The following TENM1 variants were observed in gnomAD, a reference collection of about 807,000 sequenced individuals.
TENM1 encodes teneurin-1.
TENM1 carries 35 observed loss-of-function variants against 174.8 expected under a neutral mutation model. That is an observed-to-expected ratio of 0.20 (90% CI 0.15 to 0.27). TENM1 has a LOEUF of 0.27. Ranked by LOEUF, TENM1 falls within the 10% of genes least tolerant of loss-of-function variation. The pLI, the probability that TENM1 is intolerant of heterozygous loss-of-function variation, is 1.00. For missense variants in TENM1, 1,633 were observed against 2,130.1 expected (o/e 0.77, Z 4.59); for synonymous variants, 781 against 798.7 (o/e 0.98, Z 0.37).
chrX:124,759,441 C>T (rs979163340), intron 3 of TENM1, among the ~76,000 whole-genome samples: 1 of 111,223 alleles, frequency 9.0e-6, no homozygotes, highest in Non-Finnish European at 1.9e-5. Context: ...TACACTGAAC[C>T]CAATTTGTAG....
chrX:124,681,393 C>CA (rs1569387756), intron 5 of TENM1, among the ~76,000 whole-genome samples: 1 of 111,799 alleles, frequency 8.9e-6, no homozygotes, highest in Non-Finnish European at 1.9e-5. Flanking sequence ...TCTGAAGTGA[C>CA]ACCATGACAG....
At chrX:124,464,405 G>T (rs1311615639) in intron 22 of TENM1, among the ~76,000 whole-genome samples, 1 of 112,090 alleles carries the variant, frequency 8.9e-6, no homozygotes, top group African/African-American at 3.2e-5. Context: ...CAAAAGTGGG[G>T]TAACTCAAGA....
At chrX:124,706,306 T>A (rs1265874740) in intron 4 of TENM1, among the ~76,000 whole-genome samples, 3 of 112,444 alleles carry the variant, frequency 2.7e-5, no homozygotes, top group Non-Finnish European at 5.6e-5. Flanking sequence ...GTTTTACAAA[T>A]TTTAATGTAA....
At chrX:124,576,746 G>C (rs776723150) in intron 11 of TENM1, among the ~76,000 whole-genome samples, 1 of 111,807 alleles carries the variant, frequency 8.9e-6, no homozygotes, top group East Asian at 2.8e-4. Context: ...GGCATAATTT[G>C]GTAAAAATGT....
intron 22 of TENM1, among the ~76,000 whole-genome samples, chrX:124,464,756 G>C (rs1018571301): frequency 8.9e-6 from 1 of 112,023 alleles, no homozygotes; most frequent in Non-Finnish European, 1.9e-5. Context: ...GCGAAAAATA[G>C]TCAAAGCAGT....
At chrX:124,511,953 A>AACT (rs1263398819) in intron 18 of TENM1, among the ~76,000 whole-genome samples, 4 of 111,895 alleles carry the variant, frequency 3.6e-5, no homozygotes, top group Non-Finnish European at 7.5e-5. Flanking sequence ...TTCGTTGCCA[A>AACT]ACTACTATAC....
chrX:124,643,837 A>C (rs1245456978), intron 10 of TENM1, among the ~76,000 whole-genome samples: 1 of 109,069 alleles, frequency 9.2e-6, no homozygotes, highest in Non-Finnish European at 1.9e-5. Flanking sequence ...AGAGGGGTCT[A>C]AATTAATTAG....
At chrX:124,663,974 T>C (rs2051677103) in intron 6 of TENM1, among the ~76,000 whole-genome samples, 1 of 111,467 alleles carries the variant, frequency 9.0e-6, no homozygotes, top group East Asian at 2.8e-4. Context: ...AGTGATTTAA[T>C]ATAGTTGAAA....
At chrX:124,601,291 T>A (rs1432826486) in intron 11 of TENM1, among the ~76,000 whole-genome samples, 1 of 111,142 alleles carries the variant, frequency 9.0e-6, no homozygotes, top group Non-Finnish European at 1.9e-5. Flanking sequence ...TTGAGAAGGA[T>A]CTAGTAGAAA....
intron 3 of TENM1, among the ~76,000 whole-genome samples, chrX:124,884,338 A>G (rs1038563856): frequency 6.7e-5 from 7 of 104,381 alleles, no homozygotes; most frequent in African/African-American, 2.5e-4. Flanking sequence ...TTGGAGACCG[A>G]GCTCTCAAAA....
chrX:124,905,046 G>A (rs1399700213), intron 1 of TENM1, among the ~76,000 whole-genome samples: 1 of 111,331 alleles, frequency 9.0e-6, no homozygotes, highest in Non-Finnish European at 1.9e-5. Flanking sequence ...AATTCTGGCT[G>A]GATGTGGGTG....
chrX:124,628,293 A>T (rs1466256149), intron 11 of TENM1, among the ~76,000 whole-genome samples: 2 of 111,380 alleles, frequency 1.8e-5, no homozygotes, highest in Non-Finnish European at 3.8e-5. Context: ...ATATGTAGTT[A>T]CATTTTCCAG....
In TENM1 at chrX:124,580,985, T is replaced by A. The variant is rs902188836; in HGVS notation, c.2078-15425A>T. On this transcript the variant is annotated intron_variant, in intron 11 of 31. Coordinates refer to ENST00000422452, the Ensembl canonical transcript of TENM1. Reference sequence around the variant, plus strand: ...GCAAGAACATGCAGTATTTGGTTTTTCTTTCCTGTGTTAGTTTGCTTAGGA... The same window carrying A: ...GCAAGAACATGCAGTATTTGGTTTTACTTTCCTGTGTTAGTTTGCTTAGGA... Among the ~76,000 whole-genome samples the A allele has an allele frequency of 4.5e-5, 5 of 110,579 alleles. No individual in the cohort carries two copies. The East Asian group carries it at 1.1e-3, about 25-fold the overall frequency.
At chrX:124,758,608 G>C (rs1048014857) in intron 3 of TENM1, among the ~76,000 whole-genome samples, 2 of 111,789 alleles carry the variant, frequency 1.8e-5, no homozygotes, top group Non-Finnish European at 3.8e-5. Context: ...GTATTACTCA[G>C]GACAGCCAAG....
intron 4 of TENM1, among the ~76,000 whole-genome samples, chrX:124,711,065 C>A (rs1320659555): frequency 1.8e-5 from 2 of 111,574 alleles, no homozygotes; most frequent in African/African-American, 6.5e-5. Context: ...TTTTTTTCCA[C>A]AGAGCAAATG....
At chrX:125,149,779 A>G in the TENM1 span, among the ~76,000 whole-genome samples, 1,874 of 111,779 alleles carry the variant, frequency 0.017, 42 homozygotes, top group African/African-American at 0.058. Context: ...TACCCTGATA[A>G]AAGAAAAAAT....
chrX:124,897,592 C>T (rs1393074028), intron 1 of TENM1, among the ~76,000 whole-genome samples: 1 of 112,337 alleles, frequency 8.9e-6, no homozygotes, highest in Non-Finnish European at 1.9e-5. Context: ...TTATTGTTTA[C>T]TTAATACCAC....
intron 3 of TENM1, among the ~76,000 whole-genome samples, chrX:124,800,965 C>T (rs2055433114): frequency 9.0e-6 from 1 of 110,961 alleles, no homozygotes; most frequent in East Asian, 2.8e-4. Context: ...GTCTGAGAGA[C>T]TGTTATGATT....
At chrX:124,409,761 C>T (rs2060510484) in intron 25 of TENM1, among the ~76,000 whole-genome samples, 1 of 107,298 alleles carries the variant, frequency 9.3e-6, no homozygotes. Context: ...AGTGAACTCC[C>T]ATTCACAATT....
Sources: allele counts gnomAD v4.1 joint callset (sites outside exome capture counted in the v4.1 genomes callset), GRCh38; gene constraint gnomAD v4.1.1; transcripts MANE v1.5; gene names NCBI Gene and HGNC (gene_info 2026-07-23, HGNC 2026-07-21).